The following RRN3 variants were observed in gnomAD, a reference collection of about 807,000 sequenced individuals.
RRN3 encodes the protein RNA polymerase I-specific transcription initiation factor RRN3.
In RRN3, 38 loss-of-function variants were observed where a neutral mutation model predicts 82.3. The observed-to-expected ratio is 0.46, with a 90% confidence interval of 0.36 to 0.61. The LOEUF (loss-of-function observed/expected upper bound fraction) is 0.61. RRN3 is among the 20% of genes least tolerant of loss of function. The pLI, the probability that RRN3 is intolerant of heterozygous loss-of-function variation, is 0.00. For synonymous variants in RRN3, 284 were observed against 284.3 expected (o/e 1.00, Z 0.01); for missense variants, 726 against 793.1 (o/e 0.92, Z 1.02).
intron 11 of RRN3, 87 bp downstream of exon 11, chr16:15,074,636 T>G: frequency 2.1e-6 from 2 of 940,962 alleles, no homozygotes; most frequent in Non-Finnish European, 3.1e-6. Context: ...GGATTTTTAG[T>G]ATTACTAGAG....
chr16:15,065,280 C>T lies in RRN3; in HGVS notation c.1645G>A (p.Val549Met), dbSNP rs368758496. The change falls in exon 16 of 18, where the codon GTG becomes ATG. Residue 549 changes from valine (V) to methionine (M), a missense_variant. By Grantham distance (21) the Val-to-Met change is conservative. Transcript: ENST00000198767. ...VIRSTAGGDS[V>M]QICTNPLDTF... ...TCCAGCGGGTTTGTGCAGATCTGCA[C>T]TGAGTCTCCTCCAGCGGTACTCCTA... 23 of 1,613,892 alleles carry T rather than the reference C, an allele frequency of 1.4e-5. No individual in the cohort carries two copies. The highest frequency in any genetic ancestry group is 1.7e-5 in the Non-Finnish European group (20 of 1,179,838).
At chr16:15,069,907 G>C (rs1315686038) in intron 14 of RRN3, among the ~76,000 whole-genome samples, 163 bp downstream of exon 14, 1 of 152,178 alleles carries the variant, frequency 6.6e-6, no homozygotes, top group Non-Finnish European at 1.5e-5. Context: ...TAAGGGGTTT[G>C]TAGGGGCCTA....
chr16:15,080,822 A>C (rs1287608197), intron 8 of RRN3, among the ~76,000 whole-genome samples: 1 of 64,170 alleles, frequency 1.6e-5, no homozygotes, highest in Admixed American at 2.3e-4. Context: ...CTTTCTATGA[A>C]TCTGCCTCTT....
chr16:15,088,398 T>C (rs1210097852), intron 3 of RRN3, among the ~76,000 whole-genome samples: 1 of 151,372 alleles, frequency 6.6e-6, no homozygotes, highest in Admixed American at 6.6e-5. Context: ...GCCTGGGAGG[T>C]TGAGGCTGCA....
In RRN3 at chr16:15,061,852, A is replaced by G. The variant is rs766942507; in HGVS notation, c.1848T>C (p.Asn616=). The G allele has an allele frequency of 1.2e-6, 2 of 1,613,910 alleles. No homozygotes were observed. Among genetic ancestry groups the G allele is most frequent in the Non-Finnish European group, 8.5e-7 (1 of 1,179,744 alleles). ...DDFLKGEVPQ[N]DTVIGITPSS... ...TTGGTGTGATCCCAATCACGGTATCATTCTGGGGCACTTCGCCTTTCAGAA... is the reference window on the plus strand; with the variant it reads ...TTGGTGTGATCCCAATCACGGTATCGTTCTGGGGCACTTCGCCTTTCAGAA... The change falls in exon 18 of 18, where the codon AAT becomes AAC. Residue 616 remains asparagine (N), a synonymous_variant. Coordinates refer to ENST00000198767, the MANE Select transcript of RRN3 (RefSeq NM_018427.5).
rs1267492663 is a variant in RRN3 at position 15,070,265 on chromosome 16, G to GA, written c.1260-12dup. 6.2e-7 allele frequency: 1 copy of GA among 1,611,364 alleles called. No homozygotes were observed. The highest frequency in any genetic ancestry group is 8.5e-7 in the Non-Finnish European group (1 of 1,179,762). On this transcript the variant is annotated splice_polypyrimidine_tract_variant and intron_variant, in intron 13 of 17. Transcript: ENST00000198767. The stretch of plus-strand genomic sequence containing the variant: ...CATGATTTTACAGTACTAGAGAAAA[G>GA]AAAAATTCAAGTCAACTTTACACAT...
rs531373429 is a variant in RRN3, at chr16:15,092,920, T to C, written c.90-306A>G. 5.3e-5 allele frequency among the ~76,000 whole-genome samples: 8 copies of C among 152,338 alleles called. No homozygotes were observed. The South Asian group carries it at 1.7e-3, about 32-fold the overall frequency. On this transcript the variant is annotated intron_variant, in intron 1 of 17. Transcript: ENST00000198767. ...GTTTTACTACAGCCATAACGTCTTTTCTGCTCTTCAAACAAGCCAAGCTGT... is the reference window on the plus strand; with the variant it reads ...GTTTTACTACAGCCATAACGTCTTTCCTGCTCTTCAAACAAGCCAAGCTGT...
chr16:15,075,070 TA>T (rs1410507310), intron 10 of RRN3, among the ~76,000 whole-genome samples: 1 of 151,564 alleles, frequency 6.6e-6, no homozygotes, highest in African/African-American at 2.4e-5. Context: ...GCCAACATGG[TA>T]AAACTCTGTC....
chr16:15,066,203 C>G (rs897934352), intron 15 of RRN3, among the ~76,000 whole-genome samples: 8 of 152,136 alleles, frequency 5.3e-5, no homozygotes, highest in Admixed American at 3.9e-4. Flanking sequence ...TCAGCAAAAC[C>G]ACACTGGAGG....
In RRN3 at chr16:15,086,301, T is replaced by C. The variant is rs200367229; in HGVS notation, c.343-43A>G. The C allele has an allele frequency of 2.5e-6, 4 of 1,596,030 alleles. No individual in the cohort carries two copies. The East Asian group carries it at 6.7e-5, about 27-fold the overall frequency. The stretch of plus-strand genomic sequence containing the variant: ...AGATAAAAGCAGCATGTTATTAATA[T>C]AACATATACTATTACCAAAGTTCTG... On this transcript the variant is annotated intron_variant, in intron 4 of 17. Transcript: ENST00000198767.
intron 9 of RRN3, among the ~76,000 whole-genome samples, chr16:15,076,995 T>C (rs2045486267): frequency 6.6e-6 from 1 of 151,556 alleles, no homozygotes; most frequent in Non-Finnish European, 1.5e-5. Context: ...TTTTTTTTTT[T>C]TGAGGCAGAG....
At chr16:15,080,329 A>G (rs2045645885) in intron 8 of RRN3, among the ~76,000 whole-genome samples, 3 of 152,240 alleles carry the variant, frequency 2.0e-5, no homozygotes, top group Non-Finnish European at 2.9e-5. Context: ...GTTTTTAAGT[A>G]GCTGTATTGA....
At chr16:15,089,799 A>AC (rs1320549694) in intron 3 of RRN3, among the ~76,000 whole-genome samples, 2 of 150,320 alleles carry the variant, frequency 1.3e-5, no homozygotes, top group Non-Finnish European at 3.0e-5. Context: ...AAAAAAAAAA[A>AC]AAAAAAAAAA....
intron 17 of RRN3, among the ~76,000 whole-genome samples, 176 bp downstream of exon 17, chr16:15,063,020 T>A (rs900819081): frequency 9.2e-5 from 14 of 152,174 alleles, no homozygotes; most frequent in African/African-American, 1.7e-4. Context: ...ATTAAAAAAA[T>A]TTTTGTAGAA....
chr16:15,083,768 G>A (rs1177919258), intron 7 of RRN3, 186 bp from the exon 8 acceptor site: 1 of 650,506 alleles, frequency 1.5e-6, no homozygotes, highest in Non-Finnish European at 2.5e-6. Flanking sequence ...CCAGGCTGGA[G>A]TGCAGTGGCG....
chr16:15,079,591 CTTTTCT>C (rs1223348389), intron 9 of RRN3, among the ~76,000 whole-genome samples: 3 of 115,872 alleles, frequency 2.6e-5, no homozygotes, highest in East Asian at 2.3e-4. Context: ...CTAGTGGTTT[CTTTTCT>C]TTTTTTTTTT....
At position 15,076,613 on chromosome 16, in the gene RRN3, T is replaced by C; in HGVS notation, c.803A>G (p.Glu268Gly). 6.2e-7 allele frequency: 1 copy of C among 1,613,030 alleles called. No individual in the cohort carries two copies. The highest frequency in any genetic ancestry group is 2.2e-5 in the East Asian group (1 of 44,870). ...ASRQGIEDAE[E>G]TATQTCGGTD... is the part of the protein sequence containing the mutation. ...CCCACCACAAGTTTGAGTTGCTGTT[T>C]CTTCAGCATCTTCAATACCCTGCCG... Residue 268 changes from glutamate (E) to glycine (G), a missense_variant, in exon 10 of 18, where the codon GAA (glutamate) becomes GGA (glycine). Physicochemically the swap from Glu to Gly is moderately conservative, Grantham distance 98. Transcript: ENST00000198767.
chr16:15,065,643 T>G lies in RRN3; in HGVS notation c.1554-272A>C, dbSNP rs555962209. 5.9e-5 allele frequency among the ~76,000 whole-genome samples: 9 copies of G among 152,348 alleles called. 1 individual carries two copies. The South Asian group carries it at 1.9e-3, about 32-fold the overall frequency. ...TATTTTAATGAGTAATAGATATTAT[T>G]CATTATATTTTAATGAGTAATAGAT... On this transcript the variant is annotated intron_variant, in intron 15 of 17. Coordinates refer to ENST00000198767, the MANE Select transcript of RRN3 (RefSeq NM_018427.5).
intron 3 of RRN3, among the ~76,000 whole-genome samples, chr16:15,089,669 G>T (rs553976694): frequency 1.3e-5 from 2 of 151,426 alleles, no homozygotes; most frequent in African/African-American, 4.9e-5. Context: ...CGGTGGTGGC[G>T]GGCGAGTGTA....
Sources: allele counts gnomAD v4.1 joint callset (sites outside exome capture counted in the v4.1 genomes callset), GRCh38; gene constraint gnomAD v4.1.1; transcripts MANE v1.5; gene names NCBI Gene and HGNC (gene_info 2026-07-23, HGNC 2026-07-21).